EEPD1: variants seen among roughly 807,000 people sequenced by gnomAD.
EEPD1 encodes endonuclease/exonuclease/phosphatase family domain-containing protein 1.
A neutral mutation model predicts 46.3 loss-of-function variants in EEPD1; 17 were observed. The ratio of observed to expected loss-of-function variants is 0.37; its 90% CI spans 0.25 to 0.55. The LOEUF (loss-of-function observed/expected upper bound fraction) is 0.55, where lower values mean the gene tolerates loss of function less well. Ranked by LOEUF, EEPD1 falls within the 20% of genes least tolerant of loss-of-function variation. The probability of loss-of-function intolerance (pLI) is 0.83; values close to 1 mark genes in which losing one functional copy is unlikely to be tolerated. For missense variants in EEPD1, 673 were observed against 745.6 expected, an observed-to-expected ratio of 0.90 and a Z score of 1.13; for synonymous variants, 313 against 315.6, an observed-to-expected ratio of 0.99 and a Z score of 0.09.
In EEPD1 at chr7:36,284,096, A is replaced by G. The variant is rs537875924; in HGVS notation, c.1042-590A>G. 5.3e-5 allele frequency among the ~76,000 whole-genome samples: 8 copies of G among 152,238 alleles called. No homozygotes were observed. The East Asian group carries it at 1.5e-3, about 29-fold the overall frequency. On this transcript the variant is annotated intron_variant, in intron 4 of 7. Coordinates refer to ENST00000242108, the MANE Select transcript of EEPD1 (RefSeq NM_030636.3). Reference sequence around the variant, plus strand: ...CTGGCACCTCTGACCTAAGCTTCACACCTCTGCCATGGCCCCATCCACCTG... The same window carrying G: ...CTGGCACCTCTGACCTAAGCTTCACGCCTCTGCCATGGCCCCATCCACCTG...
chr7:36,243,357 A>G (rs568796854), intron 3 of EEPD1, among the ~76,000 whole-genome samples: 1 of 150,774 alleles, frequency 6.6e-6, no homozygotes, highest in East Asian at 2.0e-4. Context: ...CCGTCATTCT[A>G]TTTGTGAGAA....
chr7:36,287,845 C>T, intron 6 of EEPD1, 68 bp downstream of exon 6: 1 of 1,562,560 alleles, frequency 6.4e-7, no homozygotes, highest in Non-Finnish European at 8.7e-7. Flanking sequence ...CTCTTCTGAG[C>T]CATCTCTGAC....
At chr7:36,270,992 A>T (rs1562708334) in intron 3 of EEPD1, among the ~76,000 whole-genome samples, 1 of 64,592 alleles carries the variant, frequency 1.5e-5, no homozygotes, top group African/African-American at 4.4e-5. Context: ...TATTATTATT[A>T]TTATTTTTTT....
In EEPD1 at chr7:36,225,872, C is replaced by T. The variant is rs1370542959; in HGVS notation, c.879-13113C>T. Reference sequence around the variant, plus strand: ...TTGTCTGTGAAGCCAATCAGAAAGACATTCTCAGATGTGCAGGGGCTTAGG... The same window carrying T: ...TTGTCTGTGAAGCCAATCAGAAAGATATTCTCAGATGTGCAGGGGCTTAGG... On this transcript the variant is annotated intron_variant, in intron 2 of 7. Coordinates refer to ENST00000242108, the MANE Select transcript of EEPD1 (RefSeq NM_030636.3). The surrounding 1 kb of genome is among the most constrained non-coding windows in gnomAD (Gnocchi z 4.2). 1.3e-5 allele frequency among the ~76,000 whole-genome samples: 2 copies of T among 152,182 alleles called. No individual in the cohort carries two copies. The highest frequency in any genetic ancestry group is 2.9e-5 in the Non-Finnish European group (2 of 68,038).
At chr7:36,210,935 C>T (rs1433705031) in intron 2 of EEPD1, among the ~76,000 whole-genome samples, 2 of 152,188 alleles carry the variant, frequency 1.3e-5, no homozygotes, top group Non-Finnish European at 2.9e-5. Context: ...ACCTGAGCTG[C>T]CTGCATTTGC....
intron 2 of EEPD1, among the ~76,000 whole-genome samples, chr7:36,187,945 G>T (rs952339790): frequency 6.6e-6 from 1 of 152,076 alleles, no homozygotes; most frequent in Non-Finnish European, 1.5e-5. Context: ...TTACAGGCAC[G>T]TGCCACCACG....
At chr7:36,191,631 G>A (rs1785462344) in intron 2 of EEPD1, among the ~76,000 whole-genome samples, 1 of 152,206 alleles carries the variant, frequency 6.6e-6, no homozygotes, top group African/African-American at 2.4e-5. Context: ...CACAGAAGAA[G>A]AGAGAAGAAG....
chr7:36,297,246 C>G (rs1213192669), intron 7 of EEPD1, 59 bp downstream of exon 7: 2 of 1,573,742 alleles, frequency 1.3e-6, no homozygotes, highest in African/African-American at 2.7e-5. Context: ...AGAAACATGT[C>G]TGAACTGACA....
intron 2 of EEPD1, among the ~76,000 whole-genome samples, chr7:36,206,169 A>G (rs1785813807): frequency 6.6e-6 from 1 of 152,132 alleles, no homozygotes. Context: ...GAGACATAGG[A>G]TTTTATCGTA....
At chr7:36,178,014 C>T (rs539258946) in intron 2 of EEPD1, among the ~76,000 whole-genome samples, 1 of 152,234 alleles carries the variant, frequency 6.6e-6, no homozygotes, top group East Asian at 1.9e-4. Context: ...GCGCCTGGCA[C>T]CTTCACAGTT....
At chr7:36,244,446 A>G (rs1272721339) in intron 3 of EEPD1, among the ~76,000 whole-genome samples, 1 of 152,256 alleles carries the variant, frequency 6.6e-6, no homozygotes, top group African/African-American at 2.4e-5. Context: ...TTTCTTGCTA[A>G]TATTAGGCCT....
intron 3 of EEPD1, among the ~76,000 whole-genome samples, chr7:36,277,570 A>G (rs1266607151): frequency 1.3e-5 from 2 of 152,102 alleles, no homozygotes; most frequent in East Asian, 3.9e-4. Context: ...TGGTCCATGG[A>G]CCACACTTTG....
At chr7:36,259,403 T>C (rs1156319601) in intron 3 of EEPD1, among the ~76,000 whole-genome samples, 1 of 152,234 alleles carries the variant, frequency 6.6e-6, no homozygotes, top group African/African-American at 2.4e-5. Flanking sequence ...TATAGAAACG[T>C]TACTACTGTA....
rs759452624 is a variant in EEPD1, at chr7:36,284,725, G to A, written c.1081G>A (p.Gly361Ser). The A allele has an allele frequency of 1.4e-5, 23 of 1,611,128 alleles. No homozygotes were observed. The highest frequency in any genetic ancestry group is 1.6e-4 in the Middle Eastern group (1 of 6,078). ...YAGFLWDAAAGMELRDAGSQE... is the reference protein window; with the variant it reads ...YAGFLWDAAASMELRDAGSQE... Reference sequence around the variant, plus strand: ...AGGATTCCTATGGGACGCGGCTGCCGGCATGGAGCTGAGAGACGCGGGTTC... The same window carrying A: ...AGGATTCCTATGGGACGCGGCTGCCAGCATGGAGCTGAGAGACGCGGGTTC... Residue 361 changes from glycine (G) to serine (S), a missense_variant, in exon 5 of 8, where the codon GGC (glycine) becomes AGC (serine). By Grantham distance (56) the Gly-to-Ser change is moderately conservative. Coordinates refer to ENST00000242108, the MANE Select transcript of EEPD1 (RefSeq NM_030636.3).
At chr7:36,180,814 C>T (rs1201304697) in intron 2 of EEPD1, among the ~76,000 whole-genome samples, 1 of 152,122 alleles carries the variant, frequency 6.6e-6, no homozygotes, top group African/African-American at 2.4e-5. Context: ...CACTCAGCTC[C>T]ACCCCAAATC....
At chr7:36,283,987 T>A (rs1787300802) in intron 4 of EEPD1, among the ~76,000 whole-genome samples, 1 of 152,206 alleles carries the variant, frequency 6.6e-6, no homozygotes, top group African/African-American at 2.4e-5. Flanking sequence ...AAGCCCCCAG[T>A]GGCGGCGGCA....
At chr7:36,227,746 G>A (rs978123991) in intron 2 of EEPD1, among the ~76,000 whole-genome samples, 8 of 152,116 alleles carry the variant, frequency 5.3e-5, no homozygotes, top group Non-Finnish European at 1.2e-4. Flanking sequence ...CTGGAGTGCA[G>A]ATGCAGTCTT....
intron 2 of EEPD1, among the ~76,000 whole-genome samples, chr7:36,236,203 C>T (rs1338814564): frequency 1.3e-5 from 2 of 152,238 alleles, no homozygotes; most frequent in African/African-American, 2.4e-5. Flanking sequence ...GCTCAAGGAG[C>T]CCTTCAGCCG....
intron 2 of EEPD1, chr7:36,230,859 G>A (rs909614475): frequency 1.3e-5 from 2 of 152,192 alleles, no homozygotes; most frequent in African/African-American, 4.8e-5. Context: ...TACAGTGAAT[G>A]AATGGATCCA....
Sources: gnomAD v4.1 joint callset for allele counts (sites outside exome capture counted in the v4.1 genomes callset) on GRCh38, gnomAD v4.1.1 for gene constraint, Gnocchi (gnomAD v3.1) non-coding constraint, MANE v1.5 for transcripts, NCBI Gene and HGNC (gene_info 2026-07-23, HGNC 2026-07-21) for gene names.